ADGRF1: variants seen among roughly 807,000 people sequenced by gnomAD.
The protein encoded by ADGRF1 is G protein-coupled receptor 110.
A neutral mutation model predicts 87.2 loss-of-function variants in ADGRF1; 85 were observed. That is an observed-to-expected ratio of 0.97 (90% CI 0.82 to 1.17). The LOEUF is 1.17. ADGRF1 is among the 50% of genes most tolerant of loss of function. The pLI is 0.00. For synonymous variants in ADGRF1, 430 were observed against 408.8 expected (o/e 1.05, Z -0.63); for missense variants, 1,169 against 1,077.2 (o/e 1.09, Z -1.19).
At chr6:47,008,864 T>A in intron 11 of ADGRF1, 81 bp downstream of exon 11, 1 of 1,228,824 alleles carries the variant, frequency 8.1e-7, no homozygotes, top group South Asian at 1.6e-5. Context: ...TGAGATAATC[T>A]CCAGAGTGGT....
chr6:47,010,113 A>T lies in ADGRF1; in HGVS notation c.1322T>A (p.Leu441His), dbSNP rs146440552. Residue 441 changes from leucine to histidine, a missense_variant, in exon 11 of 15, where the codon CTC becomes CAC. By Grantham distance (99) the Leu-to-His change is moderately conservative. Coordinates refer to ENST00000371253, the MANE Select transcript of ADGRF1 (RefSeq NM_153840.4). ...AATCTGATAGCTGTAACCCCTTTTG[A>T]GTTGGCTTTTGTTCACTGGAATCCC... is the stretch of plus-strand genomic sequence containing the variant. ...WKGIPVNKSQ[L>H]KRGYSYQIKM... 822 of 1,614,110 alleles carry T rather than the reference A, an allele frequency of 5.1e-4. 10 individuals are homozygous for T. In the East Asian group the frequency reaches 0.016, roughly 32 times the overall value.
At chr6:47,030,547 T>C (rs1474171087) in intron 1 of ADGRF1, among the ~76,000 whole-genome samples, 1 of 150,056 alleles carries the variant, frequency 6.7e-6, no homozygotes, top group Non-Finnish European at 1.5e-5. Flanking sequence ...CAGGATCCCA[T>C]AGAAAGAAAG....
rs1779273773 is a variant in ADGRF1 at position 46,998,596 on chromosome 6, T to A, written c.*1626A>T. The A allele has an allele frequency of 6.6e-6, 1 of 152,230 alleles. No homozygotes were observed. The highest frequency in any genetic ancestry group is 2.1e-4 in the South Asian group (1 of 4,832). The allele number at this position is 152,230 out of a possible 1,614,324, so 9.4% of individuals were successfully genotyped here. ...CCACAATTCTAGGCAAGAATCAGAC[T>A]TCCATCAGCCATGCATCCTAATTGT... is the stretch of plus-strand genomic sequence containing the variant. On this transcript the variant is annotated 3_prime_UTR_variant, in exon 15 of 15. Coordinates refer to ENST00000371253, the MANE Select transcript of ADGRF1 (RefSeq NM_153840.4).
chr6:47,007,587 C>A (rs1299784740), intron 11 of ADGRF1, among the ~76,000 whole-genome samples: 2 of 152,232 alleles, frequency 1.3e-5, no homozygotes, highest in Non-Finnish European at 1.5e-5. Context: ...CCAACCCAAA[C>A]AAATAGCATC....
chr6:47,016,580 C>T, intron 8 of ADGRF1, 37 bp downstream of exon 8: 2 of 1,545,154 alleles, frequency 1.3e-6, no homozygotes, highest in African/African-American at 1.4e-5. Context: ...TTAAAGGACT[C>T]TCTTAACCTA....
At chr6:47,007,575 T>A (rs952699265) in intron 11 of ADGRF1, among the ~76,000 whole-genome samples, 3 of 152,202 alleles carry the variant, frequency 2.0e-5, no homozygotes, top group Non-Finnish European at 4.4e-5. Context: ...CATCGTACCA[T>A]CCCAACCCAA....
Position 47,010,014 on chromosome 6 carries a change from G to C in ADGRF1, c.1421C>G (p.Ser474Cys), listed in dbSNP as rs752854686. The C allele has an allele frequency of 2.5e-6, 4 of 1,614,030 alleles. No individual in the cohort carries two copies. Among genetic ancestry groups the C allele is most frequent in the East Asian group, 4.5e-5 (2 of 44,888 alleles). Residue 474 changes from serine (S) to cysteine (C), a missense_variant, in exon 11 of 15, where the codon TCC becomes TGC. By Grantham distance (112) the Ser-to-Cys change is moderately radical. Transcript: ENST00000371253. ...VLIGSDQFQRSLPETIISMAS... is the reference protein window; with the variant it reads ...VLIGSDQFQRCLPETIISMAS... ...CATGCTGATAATAGTTTCTGGAAGG[G>C]ATCTCTGGAATTGGTCTGACCCAAT...
chr6:47,013,535 G>A, intron 9 of ADGRF1: 1 of 985,458 alleles, frequency 1.0e-6, no homozygotes, highest in South Asian at 4.7e-5. Context: ...CTGTGAACTG[G>A]TCTTGGGGTC....
rs911558599 is a variant in ADGRF1, at chr6:47,004,917, G to A, written c.2592+900C>T. On this transcript the variant is annotated intron_variant, in intron 13 of 14. Coordinates refer to ENST00000371253, the MANE Select transcript of ADGRF1 (RefSeq NM_153840.4). ...CCACCTGCTCATGGGCCAGTGCTCC[G>A]TAATTCACAGCAGTGCTGTCTACTG... Among the ~76,000 whole-genome samples the A allele has an allele frequency of 5.9e-5, 9 of 152,294 alleles. No homozygotes were observed. In the East Asian group the frequency reaches 7.7e-4, roughly 13 times the overall value.
In ADGRF1 at chr6:47,041,979, T is replaced by C. The variant is rs566019089; in HGVS notation, c.-44+212A>G. On this transcript the variant is annotated intron_variant, in intron 1 of 14. Transcript: ENST00000371253. ...AATCTGGAGCTTGAGCCTCAGCCAA[T>C]CACCTCATTATAGTTAGTAAGCGGG... 3.3e-5 allele frequency among the ~76,000 whole-genome samples: 5 copies of C among 152,190 alleles called. No individual in the cohort carries two copies. In the South Asian group the frequency reaches 1.0e-3, roughly 32 times the overall value.
chr6:47,019,533 A>G (rs1031343970), intron 7 of ADGRF1: 13 of 320,316 alleles, frequency 4.1e-5, no homozygotes, highest in Non-Finnish European at 5.8e-5. Flanking sequence ...AATACAAAAA[A>G]ATTAGCCAGG....
rs766677016 is a variant in ADGRF1 at position 47,010,298 on chromosome 6, G to C, written c.1137C>G (p.Asp379Glu). 5.0e-6 allele frequency: 8 copies of C among 1,610,402 alleles called. No homozygotes were observed. Among genetic ancestry groups the C allele is most frequent in the Non-Finnish European group, 6.8e-6 (8 of 1,178,284 alleles). Reference sequence around the variant, plus strand: ...TTACTGAGGCTGAATTAAGGATATTGTCAGCTATACTGATGACATCCTGAA... The same window carrying C: ...TTACTGAGGCTGAATTAAGGATATTCTCAGCTATACTGATGACATCCTGAA... ...STMEDVISIA[D>E]NILNSASVTN... The change falls in exon 11 of 15, where the codon GAC (aspartate) becomes GAG (glutamate). Residue 379 changes from aspartate (D) to glutamate (E), a missense_variant. Asp to Glu is a conservative substitution (Grantham distance 45). Transcript: ENST00000371253.
Position 47,007,265 on chromosome 6 carries a change from G to T in ADGRF1, c.2520C>A (p.Leu840=). Residue 840 remains leucine (L), a synonymous_variant, in exon 12 of 15, where the codon CTC becomes CTA. Coordinates refer to ENST00000371253, the MANE Select transcript of ADGRF1 (RefSeq NM_153840.4). ...QGFFILCFGI[L]LDSKLRQLLF... ...TAAATACACATACCTTACTGTCCAA[G>T]AGTATTCCAAAGCATAAGATAAAAA... 6.5e-7 allele frequency: 1 copy of T among 1,549,224 alleles called. No individual in the cohort carries two copies. The highest frequency in any genetic ancestry group is 8.9e-7 in the Non-Finnish European group (1 of 1,123,060).
chr6:47,019,281 A>T (rs1779968596), intron 7 of ADGRF1: 2 of 954,368 alleles, frequency 2.1e-6, no homozygotes, highest in African/African-American at 1.8e-5. Flanking sequence ...ACCTCAATAT[A>T]AAAAAAAGCA....
At chr6:47,021,811 A>G (rs889277986) in intron 6 of ADGRF1, 147 bp downstream of exon 6, 25 of 566,742 alleles carry the variant, frequency 4.4e-5, no homozygotes, top group Non-Finnish European at 7.2e-5. Flanking sequence ...GGGAATTTCA[A>G]CTGTGGGCAG....
Position 47,020,651 on chromosome 6 carries a change from A to T in ADGRF1, c.611+80T>A, listed in dbSNP as rs959578437. The T allele has an allele frequency of 6.3e-6, 10 of 1,585,322 alleles. No individual in the cohort carries two copies. In the Admixed American group the frequency reaches 1.7e-4, roughly 27 times the overall value. ...TTCTGTCCTGTTTTCTGTCAGGGTCACCTAAAAACAGCACTCTGCCTTTTG... is the reference window on the plus strand; with the variant it reads ...TTCTGTCCTGTTTTCTGTCAGGGTCTCCTAAAAACAGCACTCTGCCTTTTG... On this transcript the variant is annotated intron_variant, in intron 7 of 14. Transcript: ENST00000371253.
At chr6:47,018,498 A>G in intron 7 of ADGRF1, 1 of 1,289,822 alleles carries the variant, frequency 7.8e-7, no homozygotes, top group South Asian at 1.2e-5. Flanking sequence ...TGATATGTCC[A>G]TTCTATTGAT....
In ADGRF1 at chr6:47,027,128, G is replaced by A. The variant is rs150477990; in HGVS notation, c.127+576C>T. On this transcript the variant is annotated intron_variant, in intron 3 of 14. Coordinates refer to ENST00000371253, the MANE Select transcript of ADGRF1 (RefSeq NM_153840.4). The stretch of plus-strand genomic sequence containing the variant: ...ACATAGTAACATCCCAACAATAGTT[G>A]CTATATTTTTATTGTTATTTTTACT... Among the ~76,000 whole-genome samples the A allele has an allele frequency of 1.2e-3, 178 of 152,236 alleles. 1 individual carries two copies. Among genetic ancestry groups the A allele is most frequent in the Admixed American group, 2.2e-3 (34 of 15,300 alleles).
At chr6:47,023,334 G>A (rs1561875817) in intron 5 of ADGRF1, among the ~76,000 whole-genome samples, 1 of 152,170 alleles carries the variant, frequency 6.6e-6, no homozygotes, top group Non-Finnish European at 1.5e-5. Context: ...AGGAAGGAGA[G>A]CCAGTATTCC....
Sources: allele counts gnomAD v4.1 joint callset (sites outside exome capture counted in the v4.1 genomes callset), GRCh38; gene constraint gnomAD v4.1.1; transcripts MANE v1.5; gene names NCBI Gene and HGNC (gene_info 2026-07-23, HGNC 2026-07-21).